Variants in DNAJC3 observed in about 807,000 individuals in gnomAD.
DNAJC3 encodes the protein DnaJ heat shock protein family (Hsp40) member C3, also known as dnaJ homolog subfamily C member 3.
DNAJC3 carries 38 observed loss-of-function variants against 68.6 expected under a neutral mutation model. The ratio of observed to expected loss-of-function variants is 0.55; its 90% CI spans 0.43 to 0.73. The LOEUF is 0.73. Among genes scored for constraint, DNAJC3 ranks in the 30% least tolerant of loss-of-function variants. The pLI, the probability that DNAJC3 is intolerant of heterozygous loss-of-function variation, is 0.00. For missense variants in DNAJC3, 526 were observed against 591.9 expected, an observed-to-expected ratio of 0.89 and a Z score of 1.16; for synonymous variants, 203 against 204.0, an observed-to-expected ratio of 1.00 and a Z score of 0.04.
chr13:95,687,766 T>C (rs564636583), intron 1 of DNAJC3, among the ~76,000 whole-genome samples: 1 of 152,340 alleles, frequency 6.6e-6, no homozygotes, highest in South Asian at 2.1e-4. Context: ...GGTTCTTTTT[T>C]GGTTTTATAT....
chr13:95,775,966 C>T (rs966909290), intron 9 of DNAJC3, among the ~76,000 whole-genome samples: 1 of 151,986 alleles, frequency 6.6e-6, no homozygotes, highest in Non-Finnish European at 1.5e-5. Context: ...ATGAGATCCG[C>T]TCTCTGTGAA....
intron 11 of DNAJC3, among the ~76,000 whole-genome samples, chr13:95,790,320 C>G (rs1367092769): frequency 6.6e-6 from 1 of 152,198 alleles, no homozygotes; most frequent in Admixed American, 6.5e-5. Flanking sequence ...TGATCTCTCT[C>G]TGTTCGGGGC....
chr13:95,708,198 G>C (rs1880822898), intron 1 of DNAJC3, among the ~76,000 whole-genome samples: 1 of 152,176 alleles, frequency 6.6e-6, no homozygotes, highest in Admixed American at 6.5e-5. Context: ...TGTTGCTTCA[G>C]TGCCCTGTAC....
At chr13:95,784,178 A>G (rs187003617) in intron 9 of DNAJC3, among the ~76,000 whole-genome samples, 2 of 152,314 alleles carry the variant, frequency 1.3e-5, no homozygotes, top group Admixed American at 1.3e-4. Context: ...TTTCATAAAA[A>G]CAAGAATTTT....
chr13:95,694,852 TC>T (rs1359708168), intron 1 of DNAJC3: 1 of 152,646 alleles, frequency 6.6e-6, no homozygotes, highest in African/African-American at 2.4e-5. Context: ...ATCTGCCTCT[TC>T]CTGCACGTTG....
intron 7 of DNAJC3, among the ~76,000 whole-genome samples, chr13:95,762,310 G>A (rs938413800): frequency 6.6e-6 from 1 of 152,060 alleles, no homozygotes; most frequent in African/African-American, 2.4e-5. Context: ...CAGGTCCTCT[G>A]GCTAGACAGA....
intron 11 of DNAJC3, among the ~76,000 whole-genome samples, chr13:95,788,806 C>T (rs1883677293): frequency 6.6e-6 from 1 of 152,142 alleles, no homozygotes; most frequent in Admixed American, 6.5e-5. Context: ...GTGCTAACAC[C>T]CTAGATTAAT....
intron 4 of DNAJC3, among the ~76,000 whole-genome samples, chr13:95,741,673 C>T (rs1743800041): frequency 6.6e-6 from 1 of 151,998 alleles, no homozygotes; most frequent in African/African-American, 2.4e-5. Flanking sequence ...CCTTTGGATC[C>T]CAGCTGGTCT....
intron 2 of DNAJC3, among the ~76,000 whole-genome samples, chr13:95,712,964 G>A (rs1881022168): frequency 6.6e-6 from 1 of 152,084 alleles, no homozygotes; most frequent in African/African-American, 2.4e-5. Context: ...AAGTGAATGA[G>A]TTCTCATAAG....
chr13:95,734,139 A>T (rs1403983397), intron 4 of DNAJC3, among the ~76,000 whole-genome samples: 1 of 152,088 alleles, frequency 6.6e-6, no homozygotes, highest in African/African-American at 2.4e-5. Context: ...AGTGAGTTTT[A>T]TACGGTGTGT....
chr13:95,719,514 A>G, intron 2 of DNAJC3, among the ~76,000 whole-genome samples: 1 of 152,158 alleles, frequency 6.6e-6, no homozygotes, highest in Non-Finnish European at 1.5e-5. Context: ...TCCCCTGGCA[A>G]CCAGCTCCCA....
intron 10 of DNAJC3, 31 bp from the exon 11 acceptor site, chr13:95,786,976 A>T (rs956249780): frequency 3.8e-6 from 6 of 1,588,334 alleles, no homozygotes; most frequent in Non-Finnish European, 5.1e-6. Flanking sequence ...ACACTTTTCC[A>T]CTAATGATTA....
rs1001715709 is a variant in DNAJC3 at position 95,768,943 on chromosome 13, C to G, written c.1075+4990C>G. ...TGAGCCGAGATCACGCCATTGCATT[C>G]CAGCCTGGGCAACATGAGCAAAACT... On this transcript the variant is annotated intron_variant, in intron 9 of 11. Coordinates refer to ENST00000602402, the MANE Select transcript of DNAJC3 (RefSeq NM_006260.5). 2.0e-5 allele frequency among the ~76,000 whole-genome samples: 3 copies of G among 152,088 alleles called. No individual in the cohort carries two copies. The South Asian group carries it at 6.2e-4, about 32-fold the overall frequency.
intron 4 of DNAJC3, among the ~76,000 whole-genome samples, chr13:95,733,703 CTTTTTTTT>C (rs146677839): frequency 9.7e-6 from 1 of 102,966 alleles, no homozygotes; most frequent in East Asian, 2.9e-4. Context: ...CCTGGCCTGT[CTTTTTTTT>C]TTTTTTTTTT....
At chr13:95,704,474 G>A (rs938849178) in intron 1 of DNAJC3, among the ~76,000 whole-genome samples, 4 of 152,190 alleles carry the variant, frequency 2.6e-5, no homozygotes, top group African/African-American at 7.2e-5. Context: ...ATGTGATGGA[G>A]TAATGGTAAA....
intron 4 of DNAJC3, among the ~76,000 whole-genome samples, chr13:95,751,537 G>C (rs920110164): frequency 1.3e-5 from 2 of 152,098 alleles, no homozygotes; most frequent in African/African-American, 4.8e-5. Context: ...CATTTTGAAG[G>C]GTTTCTTAAA....
intron 4 of DNAJC3, among the ~76,000 whole-genome samples, chr13:95,746,092 G>A (rs984897190): frequency 6.6e-6 from 1 of 152,152 alleles, no homozygotes; most frequent in Non-Finnish European, 1.5e-5. Context: ...AGATTCCAGG[G>A]CCTGCACTCT....
At chr13:95,693,369 A>C (rs1004727169) in intron 1 of DNAJC3, 2 of 152,150 alleles carry the variant, frequency 1.3e-5, no homozygotes, top group African/African-American at 4.8e-5. Context: ...TAGTACTCTT[A>C]TTGCCACCTC....
chr13:95,719,283 C>G (rs1881245439), intron 2 of DNAJC3, among the ~76,000 whole-genome samples: 2 of 152,210 alleles, frequency 1.3e-5, no homozygotes, highest in Admixed American at 6.5e-5. Context: ...CATGGAAGTT[C>G]TTCCAAACCC....
Sources: gnomAD v4.1 joint callset for allele counts (sites outside exome capture counted in the v4.1 genomes callset) on GRCh38, gnomAD v4.1.1 for gene constraint, MANE v1.5 for transcripts, NCBI Gene and HGNC (gene_info 2026-07-23, HGNC 2026-07-21) for gene names.